The following SMC4 variants were observed in gnomAD, a reference collection of about 807,000 sequenced individuals.
SMC4 encodes the protein structural maintenance of chromosomes protein 4.
Under a neutral mutation model 145.6 loss-of-function variants are expected in SMC4, and 87 were observed. The ratio of observed to expected loss-of-function variants is 0.60; its 90% CI spans 0.50 to 0.71. The LOEUF is 0.71. Ranked by LOEUF, SMC4 falls within the 30% of genes least tolerant of loss-of-function variation. The pLI, the probability that SMC4 is intolerant of heterozygous loss-of-function variation, is 0.00. For missense variants in SMC4, 1,447 were observed against 1,537.1 expected (o/e 0.94, Z 0.98); for synonymous variants, 558 against 500.7 (o/e 1.11, Z -1.53).
chr3:160,419,357 GA>G lies in SMC4; in HGVS notation c.1674del (p.Glu559LysfsTer32), dbSNP rs1332493560. The G allele has an allele frequency of 6.3e-7, 1 of 1,576,454 alleles. No individual in the cohort carries two copies. Among genetic ancestry groups the G allele is most frequent in the Non-Finnish European group, 8.6e-7 (1 of 1,164,272 alleles). On this transcript the variant is annotated frameshift_variant and splice_region_variant, in exon 12 of 24. Transcript: ENST00000357388. LOFTEE classifies it high-confidence loss of function. ...GGATTTCATTTTATTTTCACTTTTAGAAAGAAAAAGAACTTCAAAAACTTAC... is the reference window on the plus strand; with the variant it reads ...GGATTTCATTTTATTTTCACTTTTAGAAGAAAAAGAACTTCAAAAACTTAC... ...LPQTEQELKE[K>X]EKELQKLTQE...
intron 8 of SMC4, 148 bp from the exon 9 acceptor site, chr3:160,414,219 G>A: frequency 2.8e-6 from 2 of 704,242 alleles, no homozygotes; most frequent in Non-Finnish European, 5.1e-6. Context: ...TATGGGGAGA[G>A]GGATCATCTT....
intron 5 of SMC4, among the ~76,000 whole-genome samples, chr3:160,406,039 G>A (rs1715295505): frequency 6.6e-6 from 1 of 151,954 alleles, no homozygotes; most frequent in Non-Finnish European, 1.5e-5. Context: ...CAGCATCTCT[G>A]TACGTAATTC....
chr3:160,402,569 C>A (rs1005410669), intron 3 of SMC4, 107 bp from the exon 4 acceptor site: 18 of 1,121,472 alleles, frequency 1.6e-5, no homozygotes, highest in Non-Finnish European at 1.3e-6. Flanking sequence ...TAAATACTTG[C>A]AGTTTTTAAC....
rs1302044054 is a variant in SMC4 at position 160,426,056 on chromosome 3, G to A, written c.2479-18G>A. ...AAATGTTAAAATATTGACCTTAAATGTTAAAACTTTTTTGTAGCGTTTAAT... is the reference window on the plus strand; with the variant it reads ...AAATGTTAAAATATTGACCTTAAATATTAAAACTTTTTTGTAGCGTTTAAT... On this transcript the variant is annotated intron_variant, in intron 16 of 23. Transcript: ENST00000357388. 6.4e-7 allele frequency: 1 copy of A among 1,560,992 alleles called. No individual in the cohort carries two copies. Among genetic ancestry groups the A allele is most frequent in the South Asian group, 1.2e-5 (1 of 82,718 alleles).
Position 160,423,743 on chromosome 3 carries a change from C to T in SMC4, c.2246-18C>T. The T allele has an allele frequency of 6.2e-7, 1 of 1,610,642 alleles. No homozygotes were observed. Among genetic ancestry groups the T allele is most frequent in the Non-Finnish European group, 8.5e-7 (1 of 1,177,904 alleles). ...TTGGGGAGACATCTGAAGCTGACTT[C>T]TCTCCCCTGTTTTCCAGGTACAATG... On this transcript the variant is annotated intron_variant, in intron 14 of 23. Transcript: ENST00000357388.
Position 160,423,359 on chromosome 3 carries a change from G to T in SMC4, c.2020-66G>T, listed in dbSNP as rs4679884. ...AATTTATTCCTATGGGTTTTTTTTT[G>T]TTTTTTTTTTTGAGTTTTCTTTTTT... On this transcript the variant is annotated intron_variant, in intron 13 of 23. Transcript: ENST00000357388. 72,688 of 386,518 alleles carry T rather than the reference G, an allele frequency of 0.19. 6,609 individuals are homozygous for T. The highest frequency in any genetic ancestry group is 0.31 in the African/African-American group (8,813 of 28,732). The allele number at this position is 386,518 out of a possible 1,614,324, so 23.9% of individuals were successfully genotyped here.
chr3:160,404,432 A>G lies in SMC4; in HGVS notation c.615A>G (p.Thr205=), dbSNP rs747854603. The part of the protein sequence containing the change: ...SVYHISGKKK[T]FKDVGNLLRS... ...ATCACATAAGTGGAAAGAAAAAGAC[A>G]TTTAAGGATGTTGGAAATCTTCTTC... The change falls in exon 5 of 24, where the codon ACA becomes ACG. Residue 205 remains threonine, a synonymous_variant. Transcript: ENST00000357388. 13 of 1,612,196 alleles carry G rather than the reference A, an allele frequency of 8.1e-6. No homozygotes were observed. The highest frequency in any genetic ancestry group is 1.0e-5 in the Non-Finnish European group (12 of 1,179,318).
At chr3:160,430,802 C>T in intron 19 of SMC4, 59 bp downstream of exon 19, 4 of 1,545,222 alleles carry the variant, frequency 2.6e-6, no homozygotes, top group South Asian at 2.5e-5. Flanking sequence ...ATTTAAAGAG[C>T]TGGATATATG....
chr3:160,410,769 G>A (rs552525846), intron 5 of SMC4, among the ~76,000 whole-genome samples: 1 of 152,198 alleles, frequency 6.6e-6, no homozygotes, highest in South Asian at 2.1e-4. Flanking sequence ...GAATTATGAT[G>A]CTCTCATTAG....
intron 5 of SMC4, 83 bp downstream of exon 5, chr3:160,404,587 T>A (rs761978011): frequency 1.5e-6 from 2 of 1,295,636 alleles, no homozygotes; most frequent in Non-Finnish European, 2.2e-6. Flanking sequence ...ATCCTACATT[T>A]TTGAGGCCTT....
At chr3:160,427,462 C>T (rs1717911193) in intron 17 of SMC4, among the ~76,000 whole-genome samples, 1 of 152,210 alleles carries the variant, frequency 6.6e-6, no homozygotes, top group South Asian at 2.1e-4. Flanking sequence ...GCACCCACAA[C>T]AATGGCTTTG....
At chr3:160,413,827 T>C (rs1576958428) in intron 8 of SMC4, 2 of 362,532 alleles carry the variant, frequency 5.5e-6, no homozygotes, top group East Asian at 6.3e-5. Context: ...GTGGGGATGC[T>C]ACCCCCTAGT....
intron 7 of SMC4, chr3:160,412,696 T>A: frequency 1.3e-6 from 1 of 795,700 alleles, no homozygotes; most frequent in South Asian, 3.9e-5. Flanking sequence ...ACCCCATCTC[T>A]ACAAAAAAAG....
At position 160,401,888 on chromosome 3, in the gene SMC4, C is replaced by T. The variant is rs770989891; in HGVS notation, c.140-27C>T. ...AGGCTTTTCCCCCGCCGTTTGCCTT[C>T]GTTTTCCTTTCCTTTCACTGACTTA... On this transcript the variant is annotated intron_variant, in intron 2 of 23. Coordinates refer to ENST00000357388, the MANE Select transcript of SMC4 (RefSeq NM_001002800.3). The T allele has an allele frequency of 9.0e-6, 14 of 1,560,266 alleles. No homozygotes were observed. In the Admixed American group the frequency reaches 2.7e-4, roughly 30 times the overall value.
intron 2 of SMC4, 121 bp downstream of exon 2, chr3:160,401,086 G>C: frequency 2.4e-6 from 3 of 1,249,988 alleles, no homozygotes; most frequent in Non-Finnish European, 3.1e-6. Context: ...TCCGGTGTCG[G>C]TCCGGTAGAG....
chr3:160,419,115 G>A (rs1716896246), intron 11 of SMC4, among the ~76,000 whole-genome samples: 1 of 152,020 alleles, frequency 6.6e-6, no homozygotes, highest in Non-Finnish European at 1.5e-5. Context: ...GTTTGCTCCT[G>A]AAAAAAATAT....
Position 160,400,919 on chromosome 3 carries a change from G to C in SMC4, c.93G>C (p.Glu31Asp), listed in dbSNP as rs1406980509. ...CTGACGGCGCCAGCAGCGACGCGGA[G>C]CCTGAGCCGCCGTCCGGCCGCACGG... ...PSPDGASSDA[E>D]PEPPSGRTES... The change falls in exon 2 of 24, where the codon GAG becomes GAC. Residue 31 changes from glutamate (E) to aspartate (D), a missense_variant. By Grantham distance (45) the Glu-to-Asp change is conservative. Transcript: ENST00000357388. 1 of 1,480,138 alleles carries C rather than the reference G, an allele frequency of 6.8e-7. No homozygotes were observed. The highest frequency in any genetic ancestry group is 8.9e-7 in the Non-Finnish European group (1 of 1,124,950). 91.7% of individuals were successfully genotyped at this position (1,480,138 alleles called of 1,614,324 possible).
At position 160,431,677 on chromosome 3, in the gene SMC4, A is replaced by C; in HGVS notation, c.3149A>C (p.Asn1050Thr). 6.2e-7 allele frequency: 1 copy of C among 1,607,588 alleles called. No homozygotes were observed. The highest frequency in any genetic ancestry group is 8.5e-7 in the Non-Finnish European group (1 of 1,178,618). Residue 1050 changes from asparagine (N) to threonine (T), a missense_variant, in exon 21 of 24, where the codon AAT (asparagine) becomes ACT (threonine). Transcript: ENST00000357388. ...SKISLHPIED[N>T]PIEEISVLSP... ...ATATCACTGCATCCTATAGAAGATA[A>C]TCCTATTGAAGAGATTTCGGTTCTA...
intron 5 of SMC4, 125 bp from the exon 6 acceptor site, chr3:160,411,795 A>G (rs1188795131): frequency 7.5e-6 from 5 of 669,350 alleles, no homozygotes; most frequent in African/African-American, 3.6e-5. Context: ...TCATTGCACT[A>G]CTAACTGTAC....
Sources: allele counts gnomAD v4.1 joint callset (sites outside exome capture counted in the v4.1 genomes callset), GRCh38; gene constraint gnomAD v4.1.1; transcripts MANE v1.5; gene names NCBI Gene and HGNC (gene_info 2026-07-23, HGNC 2026-07-21).